Variants in ATP8A2 observed in about 807,000 individuals in gnomAD.
ATP8A2 encodes ATPase phospholipid transporting 8A2.
In ATP8A2, 100 loss-of-function variants were observed where a neutral mutation model predicts 165.6. The ratio of observed to expected loss-of-function variants is 0.60; its 90% CI spans 0.51 to 0.71. The LOEUF (loss-of-function observed/expected upper bound fraction) is 0.71. Ranked by LOEUF, ATP8A2 falls within the 30% of genes least tolerant of loss-of-function variation. ATP8A2 has a pLI of 0.00. For missense variants in ATP8A2, 1,227 were observed against 1,479.5 expected (o/e 0.83, Z 2.80); for synonymous variants, 543 against 548.8 (o/e 0.99, Z 0.15).
At chr13:25,799,544 A>T (rs1950575474) in intron 27 of ATP8A2, among the ~76,000 whole-genome samples, 1 of 152,208 alleles carries the variant, frequency 6.6e-6, no homozygotes, top group African/African-American at 2.4e-5. Flanking sequence ...ATTATGTGGG[A>T]TCTGACAGAA....
intron 1 of ATP8A2, among the ~76,000 whole-genome samples, chr13:25,430,307 G>C (rs548855360): frequency 6.6e-6 from 1 of 152,060 alleles, no homozygotes; most frequent in African/African-American, 2.4e-5. Context: ...GACATGGGGG[G>C]GCCCGTGTGG....
intron 33 of ATP8A2, among the ~76,000 whole-genome samples, chr13:25,880,242 C>T (rs1952938525): frequency 6.6e-6 from 1 of 152,256 alleles, no homozygotes; most frequent in South Asian, 2.1e-4. Flanking sequence ...CTCACGCTTC[C>T]AAGAAAATCC....
At position 25,579,374 on chromosome 13, in the gene ATP8A2, C is replaced by T. The variant is rs570623869; in HGVS notation, c.1868-434C>T. The stretch of plus-strand genomic sequence containing the variant: ...AACTGCTGCTTTCTGGCCTCTGGCT[C>T]TGCGTGCATGCACATATGAGCACAT... On this transcript the variant is annotated intron_variant, in intron 21 of 36. Transcript: ENST00000381655. Among the ~76,000 whole-genome samples, 158 of 152,340 alleles carry T rather than the reference C, an allele frequency of 1.0e-3. 1 individual carries two copies. The highest frequency in any genetic ancestry group is 3.1e-3 in the African/African-American group (128 of 41,586).
intron 20 of ATP8A2, among the ~76,000 whole-genome samples, chr13:25,577,786 CTTATT>C (rs1190707103): frequency 1.3e-5 from 2 of 152,172 alleles, no homozygotes; most frequent in African/African-American, 4.8e-5. Context: ...AATTATTAAA[CTTATT>C]TTATTTGACT....
rs527901776 is a variant in ATP8A2, at chr13:25,912,501, A to C, written c.3184-49074A>C. On this transcript the variant is annotated intron_variant, in intron 33 of 36. Transcript: ENST00000381655. ...CAGAGTAGTGAATATAGTAAATAAT[A>C]ATGTATCATACACTTAAAAATCACT... is the stretch of plus-strand genomic sequence containing the variant. 5.3e-5 allele frequency among the ~76,000 whole-genome samples: 8 copies of C among 152,306 alleles called. No homozygotes were observed. The South Asian group carries it at 1.7e-3, about 32-fold the overall frequency.
chr13:25,661,946 A>G (rs1190918436), intron 24 of ATP8A2, among the ~76,000 whole-genome samples: 1 of 152,190 alleles, frequency 6.6e-6, no homozygotes, highest in Non-Finnish European at 1.5e-5. Flanking sequence ...GATCTTAGGG[A>G]CTGAGTATCT....
At chr13:25,504,879 C>T (rs1285189843) in intron 2 of ATP8A2, among the ~76,000 whole-genome samples, 3 of 151,942 alleles carry the variant, frequency 2.0e-5, no homozygotes, top group Admixed American at 2.0e-4. Flanking sequence ...CTATTGTTCT[C>T]ATTACTTCTA....
At chr13:25,502,000 T>A (rs745784637) in intron 2 of ATP8A2, among the ~76,000 whole-genome samples, 17 of 152,204 alleles carry the variant, frequency 1.1e-4, no homozygotes, top group Non-Finnish European at 2.2e-4. Context: ...AATTACAGGC[T>A]GGGGAGCTCA....
intron 33 of ATP8A2, among the ~76,000 whole-genome samples, chr13:25,903,819 T>C (rs1953845116): frequency 6.6e-6 from 1 of 152,208 alleles, no homozygotes; most frequent in Non-Finnish European, 1.5e-5. Context: ...ATTTACTTAT[T>C]TCTTTGGCTT....
intron 24 of ATP8A2, among the ~76,000 whole-genome samples, chr13:25,614,856 G>A (rs1011525314): frequency 2.0e-5 from 3 of 152,216 alleles, no homozygotes; most frequent in Admixed American, 6.5e-5. Context: ...GATGTGGACT[G>A]TCTACAGGTC....
chr13:25,784,869 G>A (rs1332625928), intron 27 of ATP8A2, among the ~76,000 whole-genome samples: 2 of 151,816 alleles, frequency 1.3e-5, no homozygotes, highest in South Asian at 2.1e-4. Flanking sequence ...GGGTTCAAGC[G>A]ATTCTCCTGC....
intron 24 of ATP8A2, among the ~76,000 whole-genome samples, chr13:25,598,933 C>A (rs76986083): frequency 0.014 from 2,169 of 152,192 alleles, 45 homozygotes; most frequent in African/African-American, 0.05. Flanking sequence ...CAAGTTATAA[C>A]CTGTTGGTGC....
chr13:25,493,341 A>G (rs1175195972), intron 2 of ATP8A2, among the ~76,000 whole-genome samples: 1 of 152,122 alleles, frequency 6.6e-6, no homozygotes, highest in African/African-American at 2.4e-5. Flanking sequence ...ACTACTCATA[A>G]CTTTGTTTTT....
Position 25,769,081 on chromosome 13 carries a change from TG to T in ATP8A2, c.2422del (p.Val808Ter). ...SPLQKSEIVD[V>X]VKKRVKAITL... is the part of the protein sequence containing the mutation. ...CTGCAGAAGTCTGAGATAGTGGATG[TG>T]GTGAAGAAGCGGGTGAAGGCCATCA... On this transcript the variant is annotated frameshift_variant, in exon 26 of 37. Coordinates refer to ENST00000381655, the MANE Select transcript of ATP8A2 (RefSeq NM_016529.6). LOFTEE classifies it high-confidence loss of function. 1.2e-6 allele frequency: 2 copies of T among 1,614,162 alleles called. No homozygotes were observed. The highest frequency in any genetic ancestry group is 2.2e-5 in the South Asian group (2 of 91,084).
chr13:25,932,041 T>A (rs1954781180), intron 33 of ATP8A2, among the ~76,000 whole-genome samples: 1 of 129,222 alleles, frequency 7.7e-6, no homozygotes, highest in African/African-American at 3.1e-5. Context: ...AGAGTGAAAC[T>A]CCATCTCAAA....
At chr13:25,775,339 T>A (rs1223453061) in intron 27 of ATP8A2, among the ~76,000 whole-genome samples, 1 of 152,138 alleles carries the variant, frequency 6.6e-6, no homozygotes, top group Non-Finnish European at 1.5e-5. Flanking sequence ...CCTTGCCAGG[T>A]GATCGCTGAG....
chr13:25,956,782 T>C (rs1165684457), intron 33 of ATP8A2, among the ~76,000 whole-genome samples: 1 of 152,182 alleles, frequency 6.6e-6, no homozygotes, highest in Non-Finnish European at 1.5e-5. Context: ...TTAAATTTCA[T>C]ATGGAATCAA....
chr13:25,579,771 T>A (rs561864613), intron 21 of ATP8A2, 37 bp from the exon 22 acceptor site: 1 of 1,607,744 alleles, frequency 6.2e-7, no homozygotes, highest in East Asian at 2.2e-5. Context: ...AGGTCACGCG[T>A]TCTGCCTGCC....
At chr13:25,540,866 C>CTT (rs553196713) in intron 8 of ATP8A2, among the ~76,000 whole-genome samples, 8 of 143,358 alleles carry the variant, frequency 5.6e-5, no homozygotes, top group African/African-American at 1.0e-4. Flanking sequence ...TTTTTTGGTT[C>CTT]TTTTTTTTTT....
Sources: allele counts gnomAD v4.1 joint callset (sites outside exome capture counted in the v4.1 genomes callset), GRCh38; gene constraint gnomAD v4.1.1; transcripts MANE v1.5; gene names NCBI Gene and HGNC (gene_info 2026-07-23, HGNC 2026-07-21).